Variants in SHISAL1 observed in about 807,000 individuals in gnomAD.
SHISAL1 encodes the protein shisa like 1.
A neutral mutation model predicts 22.6 loss-of-function variants in SHISAL1; 9 were observed. That is an observed-to-expected ratio of 0.40 (90% CI 0.24 to 0.70). The LOEUF is 0.70. SHISAL1 is among the 30% of genes least tolerant of loss of function. The pLI is 0.39. For synonymous variants in SHISAL1, 119 were observed against 115.4 expected, an observed-to-expected ratio of 1.03 and a Z score of -0.20; for missense variants, 246 against 270.6, an observed-to-expected ratio of 0.91 and a Z score of 0.64.
At chr22:44,261,318 T>C (rs1601778805) in intron 4 of SHISAL1, among the ~76,000 whole-genome samples, 1 of 151,844 alleles carries the variant, frequency 6.6e-6, no homozygotes, top group East Asian at 1.9e-4. Flanking sequence ...CTACTGGGAA[T>C]ACCCTCCCCT....
intron 4 of SHISAL1, among the ~76,000 whole-genome samples, chr22:44,252,952 C>T (rs1313934428): frequency 5.3e-5 from 8 of 151,510 alleles, no homozygotes; most frequent in Admixed American, 1.3e-4. Flanking sequence ...GCCGAGATCA[C>T]GCCACTGCAC....
chr22:44,277,610 G>T lies in SHISAL1; in HGVS notation c.599+7818C>A, dbSNP rs866355746. On this transcript the variant is annotated intron_variant, in intron 4 of 4. Transcript: ENST00000381176. Reference sequence around the variant, plus strand: ...GGATCCCTACAGCAGGTTCCAGGCAGTGCTGGAGAGCTGGAAACCCTCTCT... The same window carrying T: ...GGATCCCTACAGCAGGTTCCAGGCATTGCTGGAGAGCTGGAAACCCTCTCT... 1.4e-4 allele frequency among the ~76,000 whole-genome samples: 21 copies of T among 152,320 alleles called. No individual in the cohort carries two copies. The South Asian group carries it at 2.5e-3, about 18-fold the overall frequency.
chr22:44,255,745 C>T (rs1182078453), intron 4 of SHISAL1, among the ~76,000 whole-genome samples: 3 of 152,364 alleles, frequency 2.0e-5, no homozygotes, highest in Admixed American at 6.5e-5. Context: ...CCCAGATTCA[C>T]TCAGAGCAGA....
chr22:44,285,541 G>C lies in SHISAL1; in HGVS notation c.486C>G (p.Ala162=), dbSNP rs762694555. ...PARAPRPGQR[A]PQPQPPPGPL... ...GGCCTGGGGGAGGCTGCGGCTGTGGGGCCCGCTGACCCGGCCGAGGGGCCC... is the reference window on the plus strand; with the variant it reads ...GGCCTGGGGGAGGCTGCGGCTGTGGCGCCCGCTGACCCGGCCGAGGGGCCC... Residue 162 remains alanine (A), a synonymous_variant, in exon 4 of 5, where the codon GCC becomes GCG. Coordinates refer to ENST00000381176, the MANE Select transcript of SHISAL1 (RefSeq NM_001099294.2). The C allele has an allele frequency of 6.5e-7, 1 of 1,538,366 alleles. No individual in the cohort carries two copies. The highest frequency in any genetic ancestry group is 2.2e-5 in the East Asian group (1 of 44,860).
the SHISAL1 span, among the ~76,000 whole-genome samples, chr22:44,329,358 C>T: frequency 6.6e-6 from 1 of 152,134 alleles, no homozygotes; most frequent in African/African-American, 2.4e-5. Context: ...GTGAGCAGCA[C>T]TGGCCCTGCC....
At chr22:44,273,613 G>A (rs1373780551) in intron 4 of SHISAL1, among the ~76,000 whole-genome samples, 6 of 152,162 alleles carry the variant, frequency 3.9e-5, no homozygotes, top group African/African-American at 7.2e-5. Context: ...TTACTTGTTC[G>A]TTTTAATGCA....
chr22:44,321,507 C>T, the SHISAL1 span, among the ~76,000 whole-genome samples: 2 of 151,926 alleles, frequency 1.3e-5, no homozygotes, highest in African/African-American at 4.8e-5. Context: ...CATCCTCTGT[C>T]ATCACCCACA....
chr22:44,293,179 AGCACCAC>A (rs2055364504), intron 3 of SHISAL1, among the ~76,000 whole-genome samples: 1 of 152,154 alleles, frequency 6.6e-6, no homozygotes, highest in South Asian at 2.1e-4. Flanking sequence ...TCGAGAATCA[AGCACCAC>A]GCCCCCCTCC....
chr22:44,285,862 G>T, intron 3 of SHISAL1, 117 bp from the exon 4 acceptor site: 1 of 865,424 alleles, frequency 1.2e-6, no homozygotes. Context: ...GTCCCCGGGA[G>T]GAGGGTACTG....
chr22:44,328,312 G>A, the SHISAL1 span, among the ~76,000 whole-genome samples: 7 of 152,106 alleles, frequency 4.6e-5, no homozygotes, highest in African/African-American at 1.7e-4. Context: ...AGCCTCTTTG[G>A]GCCAGTTTTC....
At chr22:44,316,394 A>G (rs1021607080), upstream of SHISAL1, among the ~76,000 whole-genome samples, 8 of 114,208 alleles carry the variant, frequency 7.0e-5, no homozygotes, top group African/African-American at 2.7e-4. Context: ...GACCTGTTGG[A>G]TCAGAACCAG....
upstream of SHISAL1, among the ~76,000 whole-genome samples, chr22:44,317,567 G>A (rs1030960052): frequency 2.6e-5 from 4 of 152,304 alleles, no homozygotes; most frequent in South Asian, 2.1e-4. Flanking sequence ...CTGCTGTGCC[G>A]CCAGGTGGAC....
At chr22:44,249,828 A>C in intron 4 of SHISAL1, 143 bp from the exon 5 acceptor site, 1 of 659,966 alleles carries the variant, frequency 1.5e-6, no homozygotes, top group Admixed American at 2.5e-5. Flanking sequence ...ATGTGACTTT[A>C]AGACTGGAAG....
chr22:44,261,329 A>G (rs1287868180), intron 4 of SHISAL1, among the ~76,000 whole-genome samples: 1 of 151,628 alleles, frequency 6.6e-6, no homozygotes, highest in Non-Finnish European at 1.5e-5. Context: ...ACCCTCCCCT[A>G]TCTCCACCTA....
rs528740733 is a variant in SHISAL1, at chr22:44,309,164, C to T, written c.-33+3587G>A. ...GTCAGGGAGCGGTTTCTCTCCTGGT[C>T]GCCACTCAGGGATCACCTAACGAGT... On this transcript the variant is annotated intron_variant, in intron 1 of 4. Coordinates refer to ENST00000381176, the MANE Select transcript of SHISAL1 (RefSeq NM_001099294.2). Among the ~76,000 whole-genome samples the T allele has an allele frequency of 2.6e-5, 4 of 152,288 alleles. No individual in the cohort carries two copies. The East Asian group carries it at 7.7e-4, about 30-fold the overall frequency.
chr22:44,326,358 C>T, the SHISAL1 span, among the ~76,000 whole-genome samples: 1 of 152,208 alleles, frequency 6.6e-6, no homozygotes, highest in South Asian at 2.1e-4. Flanking sequence ...CTTTCCCAGT[C>T]CAATTTCCCA....
chr22:44,267,033 C>A (rs745391465), intron 4 of SHISAL1, among the ~76,000 whole-genome samples: 1 of 152,086 alleles, frequency 6.6e-6, no homozygotes. Flanking sequence ...GCAGACAGGA[C>A]GGTGCCTGGT....
At chr22:44,267,581 T>C (rs1438040530) in intron 4 of SHISAL1, among the ~76,000 whole-genome samples, 3 of 151,922 alleles carry the variant, frequency 2.0e-5, no homozygotes, top group Non-Finnish European at 4.4e-5. Flanking sequence ...GTCCTGTCAC[T>C]CTCCTCGAGG....
intron 1 of SHISAL1, among the ~76,000 whole-genome samples, chr22:44,309,731 T>C (rs1480471523): frequency 6.6e-6 from 1 of 152,198 alleles, no homozygotes; most frequent in Non-Finnish European, 1.5e-5. Context: ...CAGGGATGTT[T>C]AACCTCCACA....
Sources: allele counts gnomAD v4.1 joint callset (sites outside exome capture counted in the v4.1 genomes callset), GRCh38; gene constraint gnomAD v4.1.1; transcripts MANE v1.5; gene names NCBI Gene and HGNC (gene_info 2026-07-23, HGNC 2026-07-21).